TFDP2: variants seen among roughly 807,000 people sequenced by gnomAD.
TFDP2 encodes the protein transcription factor Dp-2.
TFDP2 carries 17 observed loss-of-function variants against 59.3 expected under a neutral mutation model. The observed-to-expected ratio is 0.29, with a 90% confidence interval of 0.20 to 0.43. The LOEUF (loss-of-function observed/expected upper bound fraction) is 0.43, where lower values mean the gene tolerates loss of function less well. TFDP2 is among the 20% of genes least tolerant of loss of function. The pLI, the probability that TFDP2 is intolerant of heterozygous loss-of-function variation, is 1.00. For missense variants in TFDP2, 391 were observed against 528.8 expected (o/e 0.74, Z 2.56); for synonymous variants, 180 against 194.7 (o/e 0.92, Z 0.63).
chr3:142,089,789 AGT>A (rs902800810), intron 3 of TFDP2, among the ~76,000 whole-genome samples: 3 of 152,116 alleles, frequency 2.0e-5, no homozygotes, highest in African/African-American at 7.2e-5. Context: ...AAACATGCAA[AGT>A]GTGTTTTTTA....
intron 3 of TFDP2, among the ~76,000 whole-genome samples, chr3:142,038,649 A>G (rs1442998935): frequency 6.6e-6 from 1 of 152,156 alleles, no homozygotes; most frequent in African/African-American, 2.4e-5. Flanking sequence ...ACACAGGAGG[A>G]AACAAAAATC....
intron 8 of TFDP2, among the ~76,000 whole-genome samples, chr3:141,973,115 A>G (rs1216235088): frequency 5.4e-5 from 5 of 91,922 alleles, no homozygotes; most frequent in Non-Finnish European, 9.4e-5. Context: ...ATATATATAT[A>G]TATATATATT....
chr3:141,995,052 TGTC>T lies in TFDP2; in HGVS notation c.273_275del (p.Thr92del). ...CCCAGCCAGTAGCTTCTGCTATGTG[TGTC>T]TGAGTAACCATTGCTGGTGCAGGGG... is the stretch of plus-strand genomic sequence containing the variant. On this transcript the variant is annotated inframe_deletion, in exon 5 of 13. Coordinates refer to ENST00000489671, the MANE Select transcript of TFDP2 (RefSeq NM_001178139.2). The T allele has an allele frequency of 6.2e-7, 1 of 1,610,028 alleles. No individual in the cohort carries two copies. Among genetic ancestry groups the T allele is most frequent in the South Asian group, 1.1e-5 (1 of 90,078 alleles).
intron 3 of TFDP2, among the ~76,000 whole-genome samples, chr3:142,046,069 A>G (rs112944446): frequency 0.057 from 8,638 of 152,234 alleles, 303 homozygotes; most frequent in Middle Eastern, 0.11. Context: ...TTGCTCATCA[A>G]TTCAGTTTGT....
Position 141,952,387 on chromosome 3 carries a change from C to G in TFDP2, c.*126G>C. The G allele has an allele frequency of 1.2e-6, 1 of 858,406 alleles. No individual in the cohort carries two copies. Among genetic ancestry groups the G allele is most frequent in the Non-Finnish European group, 1.7e-6 (1 of 585,156 alleles). 53.2% of individuals were successfully genotyped at this position (858,406 alleles called of 1,614,324 possible). On this transcript the variant is annotated 3_prime_UTR_variant, in exon 13 of 13. Transcript: ENST00000489671. Reference sequence around the variant, plus strand: ...TTCATGTGATTTGCTTATTGTGTTTCTCTAGTTTTCACTGAACACACAGTG... The same window carrying G: ...TTCATGTGATTTGCTTATTGTGTTTGTCTAGTTTTCACTGAACACACAGTG...
At position 142,044,102 on chromosome 3, in the gene TFDP2, C is replaced by T. The variant is rs952443889; in HGVS notation, c.83-38558G>A. On this transcript the variant is annotated intron_variant, in intron 3 of 12. Coordinates refer to ENST00000489671, the MANE Select transcript of TFDP2 (RefSeq NM_001178139.2). ...ATCTGCTGACGGGAGTTGGCATTGGCAATTTCACTGGTCTCATTCGGGTCC... is the reference window on the plus strand; with the variant it reads ...ATCTGCTGACGGGAGTTGGCATTGGTAATTTCACTGGTCTCATTCGGGTCC... The T allele has an allele frequency of 2.2e-5, 14 of 634,818 alleles. No homozygotes were observed. In the African/African-American group the frequency reaches 2.5e-4, roughly 12 times the overall value. The allele number at this position is 634,818 out of a possible 1,614,324, so 39.3% of individuals were successfully genotyped here. A position where few individuals can be genotyped will look rare whatever the true frequency, so the allele number is the denominator to read the frequency against.
intron 3 of TFDP2, among the ~76,000 whole-genome samples, chr3:142,015,559 G>A (rs1945067083): frequency 1.3e-5 from 2 of 152,090 alleles, no homozygotes; most frequent in Middle Eastern, 3.2e-3. Context: ...TTAAAATACA[G>A]CTTGAATACA....
intron 3 of TFDP2, among the ~76,000 whole-genome samples, chr3:142,070,209 A>G (rs1443805421): frequency 6.6e-6 from 1 of 152,006 alleles, no homozygotes; most frequent in African/African-American, 2.4e-5. Context: ...ACCTGGCCCA[A>G]ACTTCTTTTT....
Position 142,002,001 on chromosome 3 carries a change from T to G in TFDP2, c.186+3440A>C, listed in dbSNP as rs555641280. On this transcript the variant is annotated intron_variant, in intron 4 of 12. Transcript: ENST00000489671. ...TGCCACCATGCCTGGTTTTTTTTTT[T>G]TTTTTTTGTCTGAGACAAAGTCTCG... is the stretch of plus-strand genomic sequence containing the variant. 3.3e-5 allele frequency among the ~76,000 whole-genome samples: 5 copies of G among 150,860 alleles called. No individual in the cohort carries two copies. The South Asian group carries it at 1.1e-3, about 32-fold the overall frequency.
At chr3:142,148,408 C>G (rs1265139809) in intron 1 of TFDP2, among the ~76,000 whole-genome samples, 1 of 152,126 alleles carries the variant, frequency 6.6e-6, no homozygotes, top group Non-Finnish European at 1.5e-5. Context: ...CCATGGCAGT[C>G]AATAATAAAA....
chr3:141,981,075 G>T (rs1056633364), intron 6 of TFDP2, among the ~76,000 whole-genome samples: 2 of 151,934 alleles, frequency 1.3e-5, no homozygotes, highest in East Asian at 3.9e-4. Flanking sequence ...CTCACCCAGA[G>T]CAACTTCCAG....
intron 8 of TFDP2, among the ~76,000 whole-genome samples, chr3:141,973,266 T>C (rs770384070): frequency 7.4e-4 from 112 of 151,834 alleles, no homozygotes; most frequent in Non-Finnish European, 1.1e-3. Context: ...ATTACAGGCG[T>C]CTGCCACTGG....
intron 3 of TFDP2, among the ~76,000 whole-genome samples, chr3:142,034,102 T>G (rs1348695683): frequency 6.7e-6 from 1 of 149,792 alleles, no homozygotes; most frequent in African/African-American, 2.5e-5. Context: ...TTTTTTTTTT[T>G]TTTTTTTTTT....
chr3:142,051,636 C>A (rs1378920161), intron 3 of TFDP2, among the ~76,000 whole-genome samples: 1 of 151,938 alleles, frequency 6.6e-6, no homozygotes, highest in African/African-American at 2.4e-5. Context: ...GAAGATAAGA[C>A]ACGTACATCA....
At chr3:142,104,020 C>T (rs982153196) in intron 1 of TFDP2, among the ~76,000 whole-genome samples, 2 of 152,042 alleles carry the variant, frequency 1.3e-5, no homozygotes, top group Non-Finnish European at 2.9e-5. Flanking sequence ...CATGCATTAG[C>T]TATTTGTCCT....
At chr3:142,057,698 AG>A (rs1446885910) in intron 3 of TFDP2, among the ~76,000 whole-genome samples, 1 of 152,248 alleles carries the variant, frequency 6.6e-6, no homozygotes, top group African/African-American at 2.4e-5. Context: ...TTAGGAGAAA[AG>A]AAAAACGTTA....
intron 8 of TFDP2, among the ~76,000 whole-genome samples, chr3:141,973,093 G>GTATATA (rs1553761666): frequency 0.014 from 1,433 of 102,952 alleles, 30 homozygotes; most frequent in East Asian, 0.025. Flanking sequence ...AAAGCTATGT[G>GTATATA]TATATATATA....
At chr3:141,959,895 G>C in intron 10 of TFDP2, 55 bp from the exon 11 acceptor site, 2 of 1,556,084 alleles carry the variant, frequency 1.3e-6, no homozygotes, top group Non-Finnish European at 1.8e-6. Flanking sequence ...GGTCTGAATA[G>C]TTTTGTATTC....
chr3:142,044,651 G>A (rs984792875), intron 3 of TFDP2, among the ~76,000 whole-genome samples: 3 of 152,224 alleles, frequency 2.0e-5, no homozygotes, highest in African/African-American at 4.8e-5. Context: ...GATTACAGGC[G>A]TGAGCCACCG....
Sources: allele counts gnomAD v4.1 joint callset (sites outside exome capture counted in the v4.1 genomes callset), GRCh38; gene constraint gnomAD v4.1.1; transcripts MANE v1.5; gene names NCBI Gene and HGNC (gene_info 2026-07-23, HGNC 2026-07-21).